Variants in MAGI2 observed in about 807,000 individuals in gnomAD.
The protein encoded by MAGI2 is membrane associated guanylate kinase, WW and PDZ domain containing 2.
Under a neutral mutation model 133.3 loss-of-function variants are expected in MAGI2, and 35 were observed. That is an observed-to-expected ratio of 0.26 (90% CI 0.20 to 0.35). MAGI2 has a LOEUF of 0.35. MAGI2 is among the 10% of genes least tolerant of loss of function. The probability of loss-of-function intolerance (pLI) is 1.00; values close to 1 mark genes in which losing one functional copy is unlikely to be tolerated. For synonymous variants in MAGI2, 729 were observed against 710.6 expected, an observed-to-expected ratio of 1.03 and a Z score of -0.41; for missense variants, 1,636 against 1,863.4, an observed-to-expected ratio of 0.88 and a Z score of 2.25.
intron 6 of MAGI2, among the ~76,000 whole-genome samples, chr7:78,377,276 A>G (rs1794527645): frequency 1.3e-5 from 2 of 152,082 alleles, no homozygotes; most frequent in African/African-American, 4.8e-5. Flanking sequence ...GAATGCTCCA[A>G]TCCAGTGCAG....
At chr7:79,157,039 G>C (rs75478681) in intron 1 of MAGI2, among the ~76,000 whole-genome samples, 6,838 of 152,056 alleles carry the variant, frequency 0.045, 240 homozygotes, top group African/African-American at 0.093. Context: ...TTTTCTCCTA[G>C]GAAGTTGTTG....
Position 78,791,626 on chromosome 7 carries a change from C to T in MAGI2, c.419-164387G>A, listed in dbSNP as rs576280472. 4.7e-4 allele frequency among the ~76,000 whole-genome samples: 71 copies of T among 151,188 alleles called. No homozygotes were observed. In the South Asian group the frequency reaches 0.015, roughly 31 times the overall value. On this transcript the variant is annotated intron_variant, in intron 2 of 21. Coordinates refer to ENST00000354212, the MANE Select transcript of MAGI2 (RefSeq NM_012301.4). ...GCATGATCTCGGCTCACTGCAGCCT[C>T]GGCCTCCCGGGATCAAGGGTTCAAG...
intron 2 of MAGI2, among the ~76,000 whole-genome samples, chr7:78,628,820 T>A (rs1260685779): frequency 1.3e-5 from 2 of 149,936 alleles, no homozygotes; most frequent in Non-Finnish European, 3.0e-5. Context: ...AACCTTAACT[T>A]TCAATATTCT....
At chr7:78,121,805 C>A (rs1041529663) in intron 20 of MAGI2, among the ~76,000 whole-genome samples, 3 of 151,980 alleles carry the variant, frequency 2.0e-5, no homozygotes, top group Admixed American at 6.6e-5. Flanking sequence ...TGGAAACAAC[C>A]AAAGTGTAAA....
chr7:78,926,829 G>GT (rs369720946), intron 2 of MAGI2, among the ~76,000 whole-genome samples: 49 of 146,258 alleles, frequency 3.4e-4, no homozygotes, highest in East Asian at 1.2e-3. Context: ...TGGGGAAAAG[G>GT]TTTTTTTTTT....
chr7:79,329,678 C>T (rs1042562445), intron 1 of MAGI2, among the ~76,000 whole-genome samples: 17 of 152,234 alleles, frequency 1.1e-4, no homozygotes, highest in East Asian at 3.9e-4. Context: ...TTTTAGATCC[C>T]GTCAACCAAA....
At position 78,618,217 on chromosome 7, in the gene MAGI2, C is replaced by T. The variant is rs140387191; in HGVS notation, c.538+8903G>A. 2.0e-5 allele frequency: 3 copies of T among 152,036 alleles called. No homozygotes were observed. In the East Asian group the frequency reaches 5.8e-4, roughly 29 times the overall value. 9.4% of individuals were successfully genotyped at this position (152,036 alleles called of 1,614,324 possible). A position where few individuals can be genotyped will look rare whatever the true frequency, so the allele number is the denominator to read the frequency against. Reference sequence around the variant, plus strand: ...ACTGCTTATATCTATGGGGATATTTCAGAGAAACATGGACTCTTAAGTTAA... The same window carrying T: ...ACTGCTTATATCTATGGGGATATTTTAGAGAAACATGGACTCTTAAGTTAA... On this transcript the variant is annotated intron_variant, in intron 3 of 21. Transcript: ENST00000354212.
chr7:78,314,343 G>A (rs1042503504), intron 9 of MAGI2, among the ~76,000 whole-genome samples: 2 of 152,034 alleles, frequency 1.3e-5, no homozygotes, highest in Non-Finnish European at 2.9e-5. Context: ...ATGCCTTACA[G>A]CTCTCTAAAA....
chr7:78,802,108 T>G (rs1190971723), intron 2 of MAGI2, among the ~76,000 whole-genome samples: 3 of 152,322 alleles, frequency 2.0e-5, no homozygotes, highest in African/African-American at 7.2e-5. Context: ...GGAACGCTCT[T>G]TTCTGTACTC....
intron 1 of MAGI2, among the ~76,000 whole-genome samples, chr7:79,382,139 C>A (rs1289223379): frequency 6.6e-6 from 1 of 151,570 alleles, no homozygotes; most frequent in Admixed American, 6.6e-5. Flanking sequence ...GAATCTAAAT[C>A]TTACATTTTT....
At chr7:78,883,824 G>A (rs568317723) in intron 2 of MAGI2, among the ~76,000 whole-genome samples, 3 of 152,196 alleles carry the variant, frequency 2.0e-5, no homozygotes, top group East Asian at 1.9e-4. Flanking sequence ...AAAACTGGAC[G>A]TTTACATTTC....
At chr7:78,362,030 G>A (rs573112778) in intron 7 of MAGI2, among the ~76,000 whole-genome samples, 8 of 152,212 alleles carry the variant, frequency 5.3e-5, no homozygotes, top group Middle Eastern at 3.4e-3. Flanking sequence ...GGCTGGGTTC[G>A]GTGGCTCATG....
intron 9 of MAGI2, among the ~76,000 whole-genome samples, chr7:78,317,464 G>C (rs887072740): frequency 6.6e-6 from 1 of 152,218 alleles, no homozygotes; most frequent in African/African-American, 2.4e-5. Context: ...ATAAGAATGC[G>C]CATCAGCATA....
chr7:79,212,265 C>T (rs1263652133), intron 1 of MAGI2, among the ~76,000 whole-genome samples: 2 of 151,966 alleles, frequency 1.3e-5, no homozygotes, highest in Non-Finnish European at 2.9e-5. Context: ...CTCATTGATC[C>T]TTGGAGGTGT....
chr7:78,389,465 A>G (rs1216552245), intron 6 of MAGI2, among the ~76,000 whole-genome samples: 1 of 152,142 alleles, frequency 6.6e-6, no homozygotes, highest in Non-Finnish European at 1.5e-5. Context: ...CCTGGAACCT[A>G]CTGTTAGGTG....
chr7:79,048,722 C>T (rs1330236567), intron 1 of MAGI2, among the ~76,000 whole-genome samples: 2 of 152,078 alleles, frequency 1.3e-5, no homozygotes, highest in Admixed American at 6.6e-5. Flanking sequence ...GCCTGTAATC[C>T]CAGCACTTTG....
intron 9 of MAGI2, among the ~76,000 whole-genome samples, chr7:78,294,697 C>G (rs895494277): frequency 2.0e-5 from 3 of 152,146 alleles, no homozygotes. Context: ...AAGCAGCCAA[C>G]CAACCGATCA....
intron 1 of MAGI2, among the ~76,000 whole-genome samples, chr7:79,089,947 G>C (rs538836863): frequency 6.6e-6 from 1 of 151,352 alleles, no homozygotes; most frequent in Non-Finnish European, 1.5e-5. Flanking sequence ...ACCTATGTAA[G>C]GTATACCTAT....
At chr7:79,374,426 A>AT (rs1451428473) in intron 1 of MAGI2, among the ~76,000 whole-genome samples, 1 of 151,862 alleles carries the variant, frequency 6.6e-6, no homozygotes, top group Non-Finnish European at 1.5e-5. Flanking sequence ...AGAAGCTGAT[A>AT]TAGAGGCCTG....
Sources: allele counts gnomAD v4.1 joint callset (sites outside exome capture counted in the v4.1 genomes callset), GRCh38; gene constraint gnomAD v4.1.1; transcripts MANE v1.5; gene names NCBI Gene and HGNC (gene_info 2026-07-23, HGNC 2026-07-21).